SEPTIN9: variants seen among roughly 807,000 people sequenced by gnomAD.
SEPTIN9 encodes septin-9.
Under a neutral mutation model 56.6 loss-of-function variants are expected in SEPTIN9, and 13 were observed. That is an observed-to-expected ratio of 0.23 (90% confidence interval 0.15 to 0.37). SEPTIN9 has a LOEUF of 0.37. Among genes scored for constraint, SEPTIN9 ranks in the 10% least tolerant of loss-of-function variants. SEPTIN9 has a pLI of 1.00. For missense variants in SEPTIN9, 650 were observed against 823.1 expected (o/e 0.79, Z 2.57); for synonymous variants, 332 against 334.1 (o/e 0.99, Z 0.07).
At chr17:77,381,865 C>T (rs2035156475) in intron 2 of SEPTIN9, among the ~76,000 whole-genome samples, 1 of 152,148 alleles carries the variant, frequency 6.6e-6, no homozygotes, top group African/African-American at 2.4e-5. Context: ...AGGGCCAGCT[C>T]TGTTCTAGGC....
At chr17:77,386,430 C>T (rs1342472249) in intron 2 of SEPTIN9, among the ~76,000 whole-genome samples, 1 of 152,224 alleles carries the variant, frequency 6.6e-6, no homozygotes, top group East Asian at 1.9e-4. Context: ...TGCTGATTGG[C>T]AGGCCAGGCT....
At chr17:77,385,074 G>A (rs1007968809) in intron 2 of SEPTIN9, among the ~76,000 whole-genome samples, 32 of 151,856 alleles carry the variant, frequency 2.1e-4, no homozygotes, top group Admixed American at 2.0e-3. Flanking sequence ...GCTCGTGCCC[G>A]TAATCCCAAC....
At chr17:77,339,451 G>A (rs1372583209) in intron 2 of SEPTIN9, among the ~76,000 whole-genome samples, 1 of 152,124 alleles carries the variant, frequency 6.6e-6, no homozygotes, top group Admixed American at 6.5e-5. Context: ...GTCACAAGGT[G>A]CATTGTCAAT....
intron 1 of SEPTIN9, among the ~76,000 whole-genome samples, chr17:77,305,838 A>G (rs1456922459): frequency 1.4e-5 from 2 of 139,242 alleles, no homozygotes; most frequent in Admixed American, 7.8e-5. Context: ...GGCTGCACCC[A>G]TTTCCATCTG....
At position 77,389,189 on chromosome 17, in the gene SEPTIN9, T is replaced by C. The variant is rs536520693; in HGVS notation, c.77-12870T>C. ...GATGCATTTCTAAGAGCAGCATGCG[T>C]GAAGCCCGGGGTCTGGGCAAAGGAG... On this transcript the variant is annotated intron_variant, in intron 2 of 11. Coordinates refer to ENST00000427177, the MANE Select transcript of SEPTIN9 (RefSeq NM_001113491.2). This position sits in a 1 kb window ranked among gnomAD's most constrained non-coding sequence, Gnocchi z 4.3. Among the ~76,000 whole-genome samples, 5 of 152,212 alleles carry C rather than the reference T, an allele frequency of 3.3e-5. No individual in the cohort carries two copies. Among genetic ancestry groups the C allele is most frequent in the African/African-American group, 1.2e-4 (5 of 41,518 alleles).
intron 2 of SEPTIN9, among the ~76,000 whole-genome samples, chr17:77,338,419 T>A (rs1275636945): frequency 9.9e-6 from 1 of 100,722 alleles, no homozygotes; most frequent in Non-Finnish European, 2.0e-5. Flanking sequence ...TGTTTCTTTT[T>A]TCTTTTTCTT....
At chr17:77,470,402 C>A (rs2144561985) in intron 3 of SEPTIN9, among the ~76,000 whole-genome samples, 2 of 151,578 alleles carry the variant, frequency 1.3e-5, no homozygotes, top group Admixed American at 1.3e-4. Flanking sequence ...ATCCACTCAT[C>A]CACGCATCCA....
At chr17:77,439,067 T>TG (rs1037233914) in intron 3 of SEPTIN9, among the ~76,000 whole-genome samples, 1 of 152,162 alleles carries the variant, frequency 6.6e-6, no homozygotes, top group Non-Finnish European at 1.5e-5. Flanking sequence ...AAGGAGACTT[T>TG]GGGGGGTTGT....
At position 77,327,187 on chromosome 17, in the gene SEPTIN9, C is replaced by A. The variant is rs1276042725; in HGVS notation, c.76+19990C>A. Among the ~76,000 whole-genome samples the A allele has an allele frequency of 6.6e-6, 1 of 152,106 alleles. No homozygotes were observed. The highest frequency in any genetic ancestry group is 1.9e-4 in the East Asian group (1 of 5,184). ...GCCTCCCTCTCCTGGGCTCCTGGGA[C>A]CCCTCCGGCCCCACCACCCCTCCTG... On this transcript the variant is annotated intron_variant, in intron 2 of 11. Coordinates refer to ENST00000427177, the MANE Select transcript of SEPTIN9 (RefSeq NM_001113491.2). This position sits in a 1 kb window ranked among gnomAD's most constrained non-coding sequence, Gnocchi z 5.0.
chr17:77,404,955 C>G (rs2036014663), intron 3 of SEPTIN9: 1 of 856,786 alleles, frequency 1.2e-6, no homozygotes, highest in Non-Finnish European at 1.8e-6. Context: ...GTTTCCTCCC[C>G]TGCCTTCTGT....
rs1318606579 is a variant in SEPTIN9 at position 77,402,411 on chromosome 17, A to G, written c.429A>G (p.Pro143=). The G allele has an allele frequency of 1.2e-6, 2 of 1,611,326 alleles. No homozygotes were observed. Among genetic ancestry groups the G allele is most frequent in the Admixed American group, 1.7e-5 (1 of 59,828 alleles). ...CCGAGGTGTTGGGCCACAAGACGCC[A>G]GAACCGGCCCCTCGGAGGACGGAGA... is the stretch of plus-strand genomic sequence containing the variant. ...KRAEVLGHKT[P]EPAPRRTEIT... is the part of the protein sequence containing the mutation. Residue 143 remains proline (P), a synonymous_variant, in exon 3 of 12, where the codon CCA becomes CCG. Coordinates refer to ENST00000427177, the MANE Select transcript of SEPTIN9 (RefSeq NM_001113491.2). The surrounding 1 kb of genome is among the most constrained non-coding windows in gnomAD (Gnocchi z 6.6).
At chr17:77,411,414 A>G (rs1290834599) in intron 3 of SEPTIN9, among the ~76,000 whole-genome samples, 1 of 132,104 alleles carries the variant, frequency 7.6e-6, no homozygotes, top group Admixed American at 8.3e-5. Flanking sequence ...TTTTTTTTTG[A>G]CAGAGCGTGG....
At chr17:77,414,281 T>C (rs1427161878) in intron 3 of SEPTIN9, among the ~76,000 whole-genome samples, 1 of 151,974 alleles carries the variant, frequency 6.6e-6, no homozygotes, top group Non-Finnish European at 1.5e-5. Context: ...TTTCTCCATG[T>C]TGAGGCTGGT....
chr17:77,319,573 G>A lies in SEPTIN9; in HGVS notation c.76+12376G>A, dbSNP rs1369348011. The A allele has an allele frequency of 9.5e-7, 1 of 1,058,168 alleles. No individual in the cohort carries two copies. Among genetic ancestry groups the A allele is most frequent in the African/African-American group, 1.7e-5 (1 of 60,578 alleles). 65.5% of individuals were successfully genotyped at this position (1,058,168 alleles called of 1,614,324 possible). On this transcript the variant is annotated intron_variant, in intron 2 of 11. Coordinates refer to ENST00000427177, the MANE Select transcript of SEPTIN9 (RefSeq NM_001113491.2). This position sits in a 1 kb window ranked among gnomAD's most constrained non-coding sequence, Gnocchi z 5.3. ...GGGGTGACTTCTCAGGGTTCCTCCT[G>A]GGCAGGTGCTCCGGAACCTTTTCTC...
intron 1 of SEPTIN9, among the ~76,000 whole-genome samples, chr17:77,293,266 G>T (rs1375183907): frequency 6.6e-6 from 1 of 152,096 alleles, no homozygotes; most frequent in Non-Finnish European, 1.5e-5. Flanking sequence ...CAATCCTCCT[G>T]CCTCAGCCTC....
intron 1 of SEPTIN9, among the ~76,000 whole-genome samples, chr17:77,284,586 T>C (rs2031191031): frequency 6.7e-6 from 1 of 148,542 alleles, no homozygotes; most frequent in South Asian, 2.1e-4. Flanking sequence ...ATGCATCTCA[T>C]TTGCCTCATT....
intron 3 of SEPTIN9, among the ~76,000 whole-genome samples, chr17:77,411,484 T>TTTC (rs2036296881): frequency 6.6e-6 from 1 of 151,764 alleles, no homozygotes; most frequent in South Asian, 2.1e-4. Context: ...AACCTCCACC[T>TTTC]TTCGCCTTCC....
At chr17:77,459,121 CT>C (rs1208751419) in intron 3 of SEPTIN9, among the ~76,000 whole-genome samples, 1 of 152,228 alleles carries the variant, frequency 6.6e-6, no homozygotes, top group African/African-American at 2.4e-5. Context: ...CTCAGGCCCC[CT>C]GAGTGCCACT....
intron 3 of SEPTIN9, among the ~76,000 whole-genome samples, chr17:77,409,613 C>G (rs910189067): frequency 6.6e-6 from 1 of 152,226 alleles, no homozygotes; most frequent in African/African-American, 2.4e-5. Flanking sequence ...GGAGCCCCGG[C>G]CCCCAGACAC....
Sources: allele counts gnomAD v4.1 joint callset (sites outside exome capture counted in the v4.1 genomes callset), GRCh38; gene constraint gnomAD v4.1.1; non-coding constraint Gnocchi (gnomAD v3.1); transcripts MANE v1.5; gene names NCBI Gene and HGNC (gene_info 2026-07-23, HGNC 2026-07-21).